The following XKR5 variants were observed in gnomAD, a reference collection of about 807,000 sequenced individuals.
The protein encoded by XKR5 is XK-related protein 5.
In XKR5, 46 loss-of-function variants were observed where a neutral mutation model predicts 40.8. That is an observed-to-expected ratio of 1.13 (90% CI 0.89 to 1.44). The LOEUF (loss-of-function observed/expected upper bound fraction) is 1.44. XKR5 is among the 40% of genes most tolerant of loss of function. The pLI, the probability that XKR5 is intolerant of heterozygous loss-of-function variation, is 0.00. For missense variants in XKR5, 1,169 were observed against 844.7 expected, an observed-to-expected ratio of 1.38 and a Z score of -4.76; for synonymous variants, 466 against 356.1, an observed-to-expected ratio of 1.31 and a Z score of -3.48.
At chr8:6,832,315 C>T (rs749952260) in intron 2 of XKR5, among the ~76,000 whole-genome samples, 1 of 152,218 alleles carries the variant, frequency 6.6e-6, no homozygotes, top group Non-Finnish European at 1.5e-5. Flanking sequence ...AACAGGCTGG[C>T]TTCATTGTCT....
intron 2 of XKR5, among the ~76,000 whole-genome samples, chr8:6,828,135 A>C (rs1804602385): frequency 1.3e-5 from 2 of 152,226 alleles, no homozygotes; most frequent in Admixed American, 6.5e-5. Context: ...TTCAGTGTGG[A>C]AAGAAAACAT....
intron 5 of XKR5, among the ~76,000 whole-genome samples, chr8:6,818,440 C>G (rs1007944272): frequency 6.6e-5 from 10 of 152,228 alleles, no homozygotes; most frequent in African/African-American, 2.2e-4. Context: ...AGACATGACC[C>G]TCTCACACTG....
At position 6,811,927 on chromosome 8, in the gene XKR5, C is replaced by G; in HGVS notation, c.1332G>C (p.Leu444=). 1.3e-6 allele frequency: 2 copies of G among 1,537,376 alleles called. No individual in the cohort carries two copies. Among genetic ancestry groups the G allele is most frequent in the Non-Finnish European group, 1.7e-6 (2 of 1,146,928 alleles). Residue 444 remains leucine, a synonymous_variant, in exon 7 of 7, where the codon CTG becomes CTC. Coordinates refer to ENST00000618742, the MANE Select transcript of XKR5 (RefSeq NM_207411.5). ...GCTGGGCAGACAAGGCCTTTCTCTG[C>G]AGGTAGTCCTGTTGACTCAACCCCC... ...PAWGLSQQDY[L]QRKALSAQQE...
chr8:6,814,492 AG>A (rs1293084360), intron 6 of XKR5, among the ~76,000 whole-genome samples: 1 of 152,108 alleles, frequency 6.6e-6, no homozygotes, highest in African/African-American at 2.4e-5. Flanking sequence ...GGCGAGAGGA[AG>A]GGGGCCACAT....
At position 6,812,276 on chromosome 8, in the gene XKR5, C is replaced by G; in HGVS notation, c.983G>C (p.Gly328Ala). The G allele has an allele frequency of 6.4e-7, 1 of 1,554,232 alleles. No individual in the cohort carries two copies. Among genetic ancestry groups the G allele is most frequent in the African/African-American group, 1.4e-5 (1 of 73,344 alleles). ...LHPKSTDIWQ[G>A]CLRKSCGIAG... ...AATGCCACAGGACTTCCTTAGGCAG[C>G]CCTGCCAGATGTCTGTGGATTTTGG... Residue 328 changes from glycine (G) to alanine (A), a missense_variant, in exon 7 of 7, where the codon GGC becomes GCC. Transcript: ENST00000618742.
In XKR5 at chr8:6,808,846, G is replaced by T. The variant is rs958762855; in HGVS notation, c.*2352C>A. ...CTTACTTTTACCCCATAACACAAAT[G>T]CCGTTGATCCAGGATATGCACTCAA... On this transcript the variant is annotated 3_prime_UTR_variant, in exon 7 of 7. Coordinates refer to ENST00000618742, the MANE Select transcript of XKR5 (RefSeq NM_207411.5). 1.3e-5 allele frequency: 2 copies of T among 152,144 alleles called. No individual in the cohort carries two copies. The highest frequency in any genetic ancestry group is 3.9e-4 in the East Asian group (2 of 5,192). The allele number at this position is 152,144 out of a possible 1,614,324, so 9.4% of individuals were successfully genotyped here.
At chr8:6,816,441 A>G (rs941261035) in intron 5 of XKR5, among the ~76,000 whole-genome samples, 1 of 152,064 alleles carries the variant, frequency 6.6e-6, no homozygotes, top group African/African-American at 2.4e-5. Context: ...TCGCAGGCTG[A>G]CAAAGGAGCC....
At chr8:6,828,831 T>G (rs1437585205) in intron 2 of XKR5, among the ~76,000 whole-genome samples, 1 of 152,200 alleles carries the variant, frequency 6.6e-6, no homozygotes, top group Non-Finnish European at 1.5e-5. Flanking sequence ...AAATCCAAAC[T>G]CCTTAATCCA....
At chr8:6,823,467 T>G in intron 4 of XKR5, 54 bp downstream of exon 4, 1 of 1,532,886 alleles carries the variant, frequency 6.5e-7, no homozygotes, top group Non-Finnish European at 8.9e-7. Context: ...GACCTTCATT[T>G]CTGGGTTGAT....
At chr8:6,825,116 C>G (rs1804400214) in intron 3 of XKR5, 49 bp downstream of exon 3, 1 of 1,603,488 alleles carries the variant, frequency 6.2e-7, no homozygotes, top group Middle Eastern at 1.7e-4. Context: ...ACATTCCTGT[C>G]CCCCTTCGGC....
In XKR5 at chr8:6,820,772, C is replaced by G. The variant is rs568352569; in HGVS notation, c.807+1097G>C. On this transcript the variant is annotated intron_variant, in intron 5 of 6. Transcript: ENST00000618742. ...CAAGTCCTGTGAGCTCTGCCTGGCT[C>G]TATAGCCTGTGGGGTCACTGTGCTA... 3.3e-5 allele frequency among the ~76,000 whole-genome samples: 5 copies of G among 152,274 alleles called. No homozygotes were observed. The South Asian group carries it at 8.3e-4, about 25-fold the overall frequency.
chr8:6,817,926 G>A (rs138896502), intron 5 of XKR5, among the ~76,000 whole-genome samples: 1 of 152,230 alleles, frequency 6.6e-6, no homozygotes, highest in Non-Finnish European at 1.5e-5. Context: ...AAACACAGAT[G>A]GCACACTCAC....
intron 2 of XKR5, among the ~76,000 whole-genome samples, chr8:6,828,516 G>A (rs1804621886): frequency 6.6e-6 from 1 of 152,220 alleles, no homozygotes; most frequent in Admixed American, 6.5e-5. Context: ...TGCAGAGGGA[G>A]AAATTCAGGC....
chr8:6,812,387 A>T (rs1384733236), intron 6 of XKR5, 48 bp from the exon 7 acceptor site: 1 of 1,483,150 alleles, frequency 6.7e-7, no homozygotes, highest in Non-Finnish European at 9.0e-7. Context: ...TGAAGTCTGC[A>T]TCCTCCCTCT....
In XKR5 at chr8:6,825,181, G is replaced by A; in HGVS notation, c.411C>T (p.Phe137=). ...LQTYVFLASD[F]TDIVPGVSTL... ...GTTACTCACCTGGCACAATATCTGT[G>A]AAGTCTGAGGCTAGAAAAACATATG... The change falls in exon 3 of 7, where the codon TTC becomes TTT. Residue 137 remains phenylalanine, a synonymous_variant. Coordinates refer to ENST00000618742, the MANE Select transcript of XKR5 (RefSeq NM_207411.5). 2 of 1,613,544 alleles carry A rather than the reference G, an allele frequency of 1.2e-6. No individual in the cohort carries two copies. The highest frequency in any genetic ancestry group is 2.7e-5 in the African/African-American group (2 of 75,016).
Position 6,808,623 on chromosome 8 carries a change from GA to G in XKR5, c.*2574del, listed in dbSNP as rs1803543456. On this transcript the variant is annotated 3_prime_UTR_variant, in exon 7 of 7. Coordinates refer to ENST00000618742, the MANE Select transcript of XKR5 (RefSeq NM_207411.5). ...ATGCTTTCTGGAGGCATGAAGTGAG[GA>G]AGCCATCTGAGAAGCCGATGTTGGT... 1 of 152,176 alleles carries G rather than the reference GA, an allele frequency of 6.6e-6. No individual in the cohort carries two copies. Among genetic ancestry groups the G allele is most frequent in the Non-Finnish European group, 1.5e-5 (1 of 68,044 alleles). 9.4% of individuals were successfully genotyped at this position (152,176 alleles called of 1,614,324 possible). A position where few individuals can be genotyped will look rare whatever the true frequency, so the allele number is the denominator to read the frequency against.
chr8:6,819,390 G>T (rs1256657677), intron 5 of XKR5, among the ~76,000 whole-genome samples: 1 of 152,244 alleles, frequency 6.6e-6, no homozygotes, highest in Non-Finnish European at 1.5e-5. Flanking sequence ...TCTGTCCACT[G>T]CACTGTGGCC....
chr8:6,823,035 C>G (rs1804309590), intron 4 of XKR5, among the ~76,000 whole-genome samples: 1 of 152,204 alleles, frequency 6.6e-6, no homozygotes, highest in Non-Finnish European at 1.5e-5. Context: ...AGAACAGTCT[C>G]CTGAGAAGTT....
chr8:6,817,894 C>T (rs1311284891), intron 5 of XKR5, among the ~76,000 whole-genome samples: 2 of 152,166 alleles, frequency 1.3e-5, no homozygotes, highest in Non-Finnish European at 2.9e-5. Flanking sequence ...CTGCTCCCAG[C>T]AAGTGACAAG....
Sources: allele counts gnomAD v4.1 joint callset (sites outside exome capture counted in the v4.1 genomes callset), GRCh38; gene constraint gnomAD v4.1.1; transcripts MANE v1.5; gene names NCBI Gene and HGNC (gene_info 2026-07-23, HGNC 2026-07-21).